Variants in UVRAG observed in about 807,000 individuals in gnomAD.
UVRAG encodes the protein UV radiation resistance-associated gene protein.
In UVRAG, 19 loss-of-function variants were observed where a neutral mutation model predicts 78.0. The ratio of observed to expected loss-of-function variants is 0.24; its 90% CI spans 0.17 to 0.36. The LOEUF is 0.36. Ranked by LOEUF, UVRAG falls within the 10% of genes least tolerant of loss-of-function variation. The pLI, the probability that UVRAG is intolerant of heterozygous loss-of-function variation, is 1.00. For missense variants in UVRAG, 740 were observed against 853.8 expected (o/e 0.87, Z 1.66); for synonymous variants, 323 against 324.6 (o/e 1.00, Z 0.05).
chr11:76,027,203 A>G (rs1950343160), intron 12 of UVRAG, among the ~76,000 whole-genome samples: 1 of 152,144 alleles, frequency 6.6e-6, no homozygotes, highest in African/African-American at 2.4e-5. Context: ...AAGCAAACAT[A>G]TAGGAGATGG....
intron 6 of UVRAG, chr11:75,916,085 G>GT (rs531298095): frequency 6.6e-6 from 1 of 151,972 alleles, no homozygotes; most frequent in Non-Finnish European, 1.5e-5. Context: ...AATAATTCTG[G>GT]TTTTTTTCTA....
intron 13 of UVRAG, among the ~76,000 whole-genome samples, chr11:76,072,074 G>A (rs990681403): frequency 6.6e-6 from 1 of 152,196 alleles, no homozygotes; most frequent in East Asian, 1.9e-4. Flanking sequence ...AACTAGATGA[G>A]ATTACCCAGG....
intron 5 of UVRAG, among the ~76,000 whole-genome samples, chr11:75,890,190 G>A (rs781616670): frequency 2.6e-5 from 4 of 152,342 alleles, no homozygotes; most frequent in Non-Finnish European, 5.9e-5. Flanking sequence ...GGGTCTTTGT[G>A]AAAGGAGTTT....
chr11:76,060,881 C>T lies in UVRAG; in HGVS notation c.1227-4829C>T, dbSNP rs191771584. ...GGGGATCCTGTGTGGCCCAAGCCTC[C>T]CCGACGAGCACTGTCCCCTGCTCCA... On this transcript the variant is annotated intron_variant, in intron 12 of 14. Coordinates refer to ENST00000356136, the MANE Select transcript of UVRAG (RefSeq NM_003369.4). Among the ~76,000 whole-genome samples, 514 of 152,366 alleles carry T rather than the reference C, an allele frequency of 3.4e-3. 1 individual carries two copies. Among genetic ancestry groups the T allele is most frequent in the Non-Finnish European group, 5.1e-3 (348 of 68,030 alleles).
At chr11:76,108,005 A>G (rs186713608) in intron 13 of UVRAG, among the ~76,000 whole-genome samples, 1 of 152,148 alleles carries the variant, frequency 6.6e-6, no homozygotes, top group Non-Finnish European at 1.5e-5. Flanking sequence ...ATTCATTGTA[A>G]TCCCATCATG....
intron 1 of UVRAG, among the ~76,000 whole-genome samples, chr11:75,837,317 ACT>A (rs1209821786): frequency 3.0e-5 from 4 of 134,152 alleles, no homozygotes; most frequent in African/African-American, 9.3e-5. Context: ...ACAGAGTGAG[ACT>A]CTGTCTCAAA....
At chr11:75,855,774 A>G (rs1237434187) in intron 2 of UVRAG, among the ~76,000 whole-genome samples, 1 of 152,202 alleles carries the variant, frequency 6.6e-6, no homozygotes, top group East Asian at 1.9e-4. Flanking sequence ...CTTTTATTTC[A>G]GCTAAATTTA....
intron 5 of UVRAG, among the ~76,000 whole-genome samples, chr11:75,902,667 TAA>T (rs749767565): frequency 1.3e-5 from 2 of 152,170 alleles, no homozygotes; most frequent in African/African-American, 2.4e-5. Flanking sequence ...ATTTTATAGT[TAA>T]GTGTTGATTT....
At position 75,964,155 on chromosome 11, in the gene UVRAG, T is replaced by A. The variant is rs192530770; in HGVS notation, c.699+2606T>A. On this transcript the variant is annotated intron_variant, in intron 7 of 14. Coordinates refer to ENST00000356136, the MANE Select transcript of UVRAG (RefSeq NM_003369.4). ...TTACTGGATTTAATTTGTTAAAAAA[T>A]TTTAAAGAAATTGTGCATATGTATT... is the stretch of plus-strand genomic sequence containing the variant. Among the ~76,000 whole-genome samples the A allele has an allele frequency of 5.0e-3, 764 of 152,376 alleles. 7 individuals are homozygous for A. The highest frequency in any genetic ancestry group is 0.017 in the African/African-American group (709 of 41,578).
chr11:76,029,775 T>C (rs1341369285), intron 12 of UVRAG, among the ~76,000 whole-genome samples: 1 of 152,216 alleles, frequency 6.6e-6, no homozygotes, highest in East Asian at 1.9e-4. Flanking sequence ...TGACTCCAAT[T>C]GTAAAAGAAG....
At chr11:76,115,303 C>G (rs1359358167) in intron 13 of UVRAG, among the ~76,000 whole-genome samples, 1 of 152,198 alleles carries the variant, frequency 6.6e-6, no homozygotes, top group Non-Finnish European at 1.5e-5. Context: ...ACCTCTCCAG[C>G]TATGTGCTCT....
chr11:75,980,415 C>T (rs1373456720), intron 7 of UVRAG, among the ~76,000 whole-genome samples: 1 of 152,192 alleles, frequency 6.6e-6, no homozygotes, highest in African/African-American at 2.4e-5. Flanking sequence ...ATCCTCCCAC[C>T]TGGGCTTCCT....
chr11:76,003,071 C>G (rs939065683), intron 8 of UVRAG, among the ~76,000 whole-genome samples: 16 of 150,094 alleles, frequency 1.1e-4, no homozygotes, highest in African/African-American at 3.9e-4. Flanking sequence ...GAAACCCTGT[C>G]TAAAAAAAAA....
At chr11:75,974,622 T>C (rs1486890508) in intron 7 of UVRAG, among the ~76,000 whole-genome samples, 1 of 152,138 alleles carries the variant, frequency 6.6e-6, no homozygotes, top group African/African-American at 2.4e-5. Flanking sequence ...CGCCTCGGCC[T>C]CCCAAAGTGC....
intron 13 of UVRAG, among the ~76,000 whole-genome samples, chr11:76,072,303 CAG>C (rs1025194397): frequency 3.9e-5 from 6 of 152,068 alleles, no homozygotes; most frequent in African/African-American, 1.4e-4. Context: ...TCAGTATGTC[CAG>C]TTATGGGTTT....
chr11:75,945,667 C>G (rs895334004), intron 6 of UVRAG, among the ~76,000 whole-genome samples: 3 of 152,036 alleles, frequency 2.0e-5, no homozygotes, highest in Admixed American at 2.0e-4. Context: ...TCCTAATATA[C>G]CAGGTTTTCA....
chr11:76,123,783 T>A (rs1952333945), intron 14 of UVRAG, among the ~76,000 whole-genome samples: 1 of 152,212 alleles, frequency 6.6e-6, no homozygotes, highest in South Asian at 2.1e-4. Flanking sequence ...TTTGTTTTGT[T>A]GAGATGGAGT....
intron 5 of UVRAG, among the ~76,000 whole-genome samples, chr11:75,902,084 GTGTC>G (rs1947516325): frequency 6.6e-6 from 1 of 152,220 alleles, no homozygotes; most frequent in Non-Finnish European, 1.5e-5. Flanking sequence ...GCTTAGCACT[GTGTC>G]TGGCATGTAA....
intron 6 of UVRAG, among the ~76,000 whole-genome samples, chr11:75,949,714 T>TATACACACAC (rs59607906): frequency 8.7e-4 from 119 of 136,868 alleles, no homozygotes; most frequent in African/African-American, 3.2e-3. Flanking sequence ...TATATATATA[T>TATACACACAC]ACACACACAC....
Sources: allele counts gnomAD v4.1 joint callset (sites outside exome capture counted in the v4.1 genomes callset), GRCh38; gene constraint gnomAD v4.1.1; transcripts MANE v1.5; gene names NCBI Gene and HGNC (gene_info 2026-07-23, HGNC 2026-07-21).